Variants in AUTS2 observed in about 807,000 individuals in gnomAD.
AUTS2 encodes the protein activator of transcription and developmental regulator AUTS2.
A neutral mutation model predicts 112.4 loss-of-function variants in AUTS2; 17 were observed. The observed-to-expected ratio is 0.15, with a 90% CI of 0.10 to 0.23. AUTS2 has a LOEUF of 0.23. Ranked by LOEUF, AUTS2 falls within the 10% of genes least tolerant of loss-of-function variation. The pLI is 1.00. For missense variants in AUTS2, 1,510 were observed against 1,701.6 expected (o/e 0.89, Z 1.98); for synonymous variants, 751 against 702.7 (o/e 1.07, Z -1.09).
At chr7:70,681,847 T>C (rs1023741794) in intron 5 of AUTS2, among the ~76,000 whole-genome samples, 4 of 152,196 alleles carry the variant, frequency 2.6e-5, no homozygotes, top group African/African-American at 4.8e-5. Context: ...TCCAACTTAG[T>C]CCCAGCATAT....
At chr7:70,231,448 G>A (rs1812043466) in intron 4 of AUTS2, among the ~76,000 whole-genome samples, 1 of 151,728 alleles carries the variant, frequency 6.6e-6, no homozygotes, top group African/African-American at 2.4e-5. Context: ...TTTGTTTTTT[G>A]TTTTTTGTTT....
At chr7:70,704,209 T>C (rs1416597338) in intron 6 of AUTS2, among the ~76,000 whole-genome samples, 1 of 152,210 alleles carries the variant, frequency 6.6e-6, no homozygotes, top group Non-Finnish European at 1.5e-5. Context: ...TGAATGCGTG[T>C]GGTGGTGAAT....
At chr7:70,675,224 G>A (rs1807850090) in intron 5 of AUTS2, among the ~76,000 whole-genome samples, 1 of 152,214 alleles carries the variant, frequency 6.6e-6, no homozygotes. Context: ...CAGGCGCAGT[G>A]GCTCACGCCT....
chr7:70,641,769 C>T (rs1472145479), intron 5 of AUTS2, among the ~76,000 whole-genome samples: 1 of 152,168 alleles, frequency 6.6e-6, no homozygotes, highest in African/African-American at 2.4e-5. Flanking sequence ...AGATAGTGTT[C>T]TTCTGTGTGG....
chr7:69,707,780 C>T (rs1798133687), intron 1 of AUTS2, among the ~76,000 whole-genome samples: 1 of 152,174 alleles, frequency 6.6e-6, no homozygotes, highest in Non-Finnish European at 1.5e-5. Flanking sequence ...TTATGAAAAA[C>T]TCTTTAAACT....
chr7:69,631,944 G>C (rs1252809344), intron 1 of AUTS2, among the ~76,000 whole-genome samples: 1 of 152,074 alleles, frequency 6.6e-6, no homozygotes, highest in Non-Finnish European at 1.5e-5. Flanking sequence ...TTCTCTCTAA[G>C]TTGTACTCAT....
intron 1 of AUTS2, among the ~76,000 whole-genome samples, chr7:69,602,022 A>G (rs1422801020): frequency 4.5e-3 from 40 of 8,858 alleles, no homozygotes; most frequent in South Asian, 0.031. Flanking sequence ...GTGTGTGTGT[A>G]TATATATATA....
intron 6 of AUTS2, among the ~76,000 whole-genome samples, chr7:70,734,515 C>G (rs552506513): frequency 2.0e-5 from 3 of 151,640 alleles, no homozygotes; most frequent in Non-Finnish European, 2.9e-5. Context: ...CCCTTTTTCT[C>G]TCAGTTAAAA....
At chr7:70,594,446 G>C (rs1315751381) in intron 5 of AUTS2, among the ~76,000 whole-genome samples, 1 of 152,164 alleles carries the variant, frequency 6.6e-6, no homozygotes, top group African/African-American at 2.4e-5. Context: ...CCGGTGATTT[G>C]ATAGCATTGG....
In AUTS2 at chr7:70,121,027, G is replaced by C. The variant is rs1805653015; in HGVS notation, c.624+2794G>C. Among the ~76,000 whole-genome samples, 2 of 152,148 alleles carry C rather than the reference G, an allele frequency of 1.3e-5. 1 individual carries two copies. The highest frequency in any genetic ancestry group is 4.1e-4 in the South Asian group (2 of 4,834). On this transcript the variant is annotated intron_variant, in intron 3 of 18. Transcript: ENST00000342771. ...ACAGACCAATGGAGTAGAATGGAGAGCCCAGAAGGGAGCCCATACTTATAT... is the reference window on the plus strand; with the variant it reads ...ACAGACCAATGGAGTAGAATGGAGACCCCAGAAGGGAGCCCATACTTATAT...
intron 5 of AUTS2, among the ~76,000 whole-genome samples, chr7:70,693,429 C>A (rs1808860916): frequency 6.6e-6 from 1 of 152,114 alleles, no homozygotes; most frequent in Non-Finnish European, 1.5e-5. Context: ...AGGGTGTGCA[C>A]GTGTCAGAGG....
At chr7:70,704,114 C>CAA (rs1247935328) in intron 6 of AUTS2, among the ~76,000 whole-genome samples, 1 of 152,138 alleles carries the variant, frequency 6.6e-6, no homozygotes, top group Non-Finnish European at 1.5e-5. Flanking sequence ...CAGTAACAGT[C>CAA]AAAAAATATT....
chr7:69,745,984 C>T (rs956994522), intron 1 of AUTS2, among the ~76,000 whole-genome samples: 1 of 152,142 alleles, frequency 6.6e-6, no homozygotes, highest in African/African-American at 2.4e-5. Context: ...AGTGATCCTC[C>T]TGCCTCAACT....
chr7:70,090,923 C>G (rs1459511482), intron 2 of AUTS2, among the ~76,000 whole-genome samples: 1 of 152,130 alleles, frequency 6.6e-6, no homozygotes, highest in Non-Finnish European at 1.5e-5. Context: ...AAGTAATCTG[C>G]CCACCTCTGC....
At chr7:69,886,154 T>G (rs1794261095) in intron 1 of AUTS2, among the ~76,000 whole-genome samples, 1 of 152,220 alleles carries the variant, frequency 6.6e-6, no homozygotes, top group Non-Finnish European at 1.5e-5. Context: ...TAGATTGGTC[T>G]CTGCCCTTGA....
chr7:69,910,791 C>A (rs1004574791), intron 2 of AUTS2, among the ~76,000 whole-genome samples: 1 of 152,020 alleles, frequency 6.6e-6, no homozygotes, highest in African/African-American at 2.4e-5. Context: ...CCACGCCCAG[C>A]GAATTTTTGT....
intron 4 of AUTS2, among the ~76,000 whole-genome samples, chr7:70,275,557 T>C (rs953791275): frequency 1.3e-5 from 2 of 152,150 alleles, no homozygotes; most frequent in African/African-American, 4.8e-5. Flanking sequence ...AAAATTTGTA[T>C]ATTTGCCACA....
intron 2 of AUTS2, among the ~76,000 whole-genome samples, chr7:70,069,084 T>C (rs17141181): frequency 0.08 from 12,221 of 152,254 alleles, 628 homozygotes; most frequent in African/African-American, 0.13. Flanking sequence ...GCTGATCTCA[T>C]GGCCTACCAG....
intron 4 of AUTS2, among the ~76,000 whole-genome samples, chr7:70,307,951 A>T (rs1789562003): frequency 6.6e-6 from 1 of 152,248 alleles, no homozygotes; most frequent in African/African-American, 2.4e-5. Flanking sequence ...TAAGTAAACA[A>T]CATAACCTGT....
Sources: gnomAD v4.1 joint callset for allele counts (sites outside exome capture counted in the v4.1 genomes callset) on GRCh38, gnomAD v4.1.1 for gene constraint, MANE v1.5 for transcripts, NCBI Gene and HGNC (gene_info 2026-07-23, HGNC 2026-07-21) for gene names.